The following GRIA3 variants were observed in gnomAD, a reference collection of about 807,000 sequenced individuals.
GRIA3 encodes glutamate receptor 3.
GRIA3 carries 3 observed loss-of-function variants against 63.0 expected under a neutral mutation model. The ratio of observed to expected loss-of-function variants is 0.05; its 90% CI spans 0.02 to 0.12. GRIA3 has a LOEUF of 0.12. Ranked by LOEUF, GRIA3 falls within the 10% of genes least tolerant of loss-of-function variation. The pLI is 1.00. For missense variants in GRIA3, 347 were observed against 700.9 expected (o/e 0.50, Z 5.70); for synonymous variants, 274 against 257.9 (o/e 1.06, Z -0.60).
chrX:123,384,959 T>C (rs528198068), intron 5 of GRIA3, among the ~76,000 whole-genome samples: 2 of 112,583 alleles, frequency 1.8e-5, no homozygotes, highest in South Asian at 7.3e-4. Context: ...GTCTGTTTAC[T>C]CTGTTGATAG....
intron 11 of GRIA3, among the ~76,000 whole-genome samples, chrX:123,423,749 G>C (rs2045575560): frequency 1.8e-5 from 2 of 112,029 alleles, no homozygotes; most frequent in African/African-American, 6.5e-5. Flanking sequence ...TTCAGTCCCA[G>C]CTCTTCATCT....
At chrX:123,480,204 T>C (rs1487705259) in intron 14 of GRIA3, 27 bp downstream of exon 14, 2 of 910,389 alleles carry the variant, frequency 2.2e-6, no homozygotes, top group Middle Eastern at 2.7e-4. Flanking sequence ...CTTTTTGTAC[T>C]GATTAGCAAT....
At position 123,482,788 on chromosome X, in the gene GRIA3, A is replaced by G. The variant is rs781019757; in HGVS notation, c.2440-11A>G. 1 of 1,208,857 alleles carries G rather than the reference A, an allele frequency of 8.3e-7. No homozygotes were observed. The highest frequency in any genetic ancestry group is 2.2e-5 in the Admixed American group (1 of 45,786). On this transcript the variant is annotated splice_polypyrimidine_tract_variant and intron_variant, in intron 14 of 15. Coordinates refer to ENST00000620443, the MANE Select transcript of GRIA3 (RefSeq NM_007325.5). ...TCCCCAAGATCTAATCACGTTGTTC[A>G]TTTCTCTTAGGACAAGACCAGCGCT...
chrX:123,345,127 C>A (rs1366040127), intron 4 of GRIA3, among the ~76,000 whole-genome samples: 1 of 111,288 alleles, frequency 9.0e-6, no homozygotes, highest in Non-Finnish European at 1.9e-5. Flanking sequence ...GCTATCTCTA[C>A]CTCCAAGGCC....
At chrX:123,446,811 T>A (rs1288182227) in intron 12 of GRIA3, among the ~76,000 whole-genome samples, 1 of 111,491 alleles carries the variant, frequency 9.0e-6, no homozygotes, top group East Asian at 2.8e-4. Flanking sequence ...TGCCATTGAT[T>A]GATCAGAGCT....
intron 5 of GRIA3, among the ~76,000 whole-genome samples, chrX:123,394,298 T>C (rs2045401680): frequency 9.3e-6 from 1 of 107,740 alleles, no homozygotes; most frequent in Non-Finnish European, 1.9e-5. Flanking sequence ...GGGGGTGGTG[T>C]GGAGGTTGCA....
chrX:123,281,782 T>C (rs780662007), intron 3 of GRIA3, among the ~76,000 whole-genome samples: 8 of 111,958 alleles, frequency 7.1e-5, no homozygotes, highest in Non-Finnish European at 1.1e-4. Flanking sequence ...TTTAATTTTC[T>C]TACTGAAAAT....
chrX:123,276,904 T>G (rs1222722007), intron 3 of GRIA3, among the ~76,000 whole-genome samples: 1 of 111,826 alleles, frequency 8.9e-6, no homozygotes, highest in East Asian at 2.8e-4. Flanking sequence ...TATGATTAAA[T>G]AAAATTTAAA....
chrX:123,440,631 T>C (rs1416135029), intron 12 of GRIA3, among the ~76,000 whole-genome samples: 1 of 112,727 alleles, frequency 8.9e-6, no homozygotes, highest in Non-Finnish European at 1.9e-5. Context: ...TTTGCCCACT[T>C]TTTAATAGGG....
chrX:123,259,513 G>GCA (rs769936326), intron 3 of GRIA3, among the ~76,000 whole-genome samples: 14 of 105,620 alleles, frequency 1.3e-4, no homozygotes, highest in African/African-American at 2.1e-4. Context: ...TCATGCGCGC[G>GCA]CACACACACA....
chrX:123,349,584 G>A (rs184908220), intron 4 of GRIA3, among the ~76,000 whole-genome samples: 12 of 112,398 alleles, frequency 1.1e-4, no homozygotes, highest in Admixed American at 1.9e-4. Context: ...TTATACTTCC[G>A]TTTTCCTTCT....
intron 11 of GRIA3, among the ~76,000 whole-genome samples, chrX:123,422,466 G>A (rs982025368): frequency 3.6e-5 from 4 of 111,838 alleles, no homozygotes; most frequent in African/African-American, 6.5e-5. Flanking sequence ...AGGAGGAGTC[G>A]GTGGAAGGTA....
At chrX:123,330,942 G>T (rs1247980514) in intron 4 of GRIA3, among the ~76,000 whole-genome samples, 2 of 111,696 alleles carry the variant, frequency 1.8e-5, no homozygotes, top group East Asian at 2.8e-4. Context: ...CCTTATAGAA[G>T]ACTTATTTAA....
chrX:123,184,733 T>A, intron 1 of GRIA3, 89 bp downstream of exon 1: 1 of 481,592 alleles, frequency 2.1e-6, no homozygotes, highest in Non-Finnish European at 3.5e-6. Flanking sequence ...TGGGTCCCTG[T>A]CCTGCGTGGC....
chrX:123,345,439 AACACACACACACAC>A (rs59142587), intron 4 of GRIA3, among the ~76,000 whole-genome samples: 51 of 65,869 alleles, frequency 7.7e-4, no homozygotes, highest in South Asian at 3.3e-3. Context: ...CCCCCTTCAC[AACACACACACACAC>A]ACACACACAC....
chrX:123,417,530 C>T lies in GRIA3; in HGVS notation c.1629C>T (p.Gly543=), dbSNP rs780335659. 3.3e-6 allele frequency: 4 copies of T among 1,210,017 alleles called. No individual in the cohort carries two copies. Among genetic ancestry groups the T allele is most frequent in the South Asian group, 1.8e-5 (1 of 56,903 alleles). The change falls in exon 11 of 16, where the codon GGC becomes GGT. Residue 543 remains glycine (G), a synonymous_variant. Coordinates refer to ENST00000620443, the MANE Select transcript of GRIA3 (RefSeq NM_007325.5). ...AGAAGCCTCAGAAATCAAAACCAGG[C>T]GTATTCTCATTTCTGGATCCCCTGG... is the stretch of plus-strand genomic sequence containing the variant. The part of the protein sequence containing the change: ...MIKKPQKSKP[G]VFSFLDPLAY...
chrX:123,305,998 T>A (rs2044752746), intron 3 of GRIA3, among the ~76,000 whole-genome samples: 1 of 111,681 alleles, frequency 9.0e-6, no homozygotes, highest in Non-Finnish European at 1.9e-5. Context: ...TAGGAGTCAT[T>A]GACGTTAATG....
chrX:123,281,413 G>A (rs1286841214), intron 3 of GRIA3, among the ~76,000 whole-genome samples: 1 of 112,152 alleles, frequency 8.9e-6, no homozygotes, highest in Non-Finnish European at 1.9e-5. Flanking sequence ...AGTGGCCAAA[G>A]AATTCTAGTA....
At chrX:123,263,323 G>A (rs2044470552) in intron 3 of GRIA3, among the ~76,000 whole-genome samples, 1 of 112,031 alleles carries the variant, frequency 8.9e-6, no homozygotes, top group Admixed American at 9.4e-5. Context: ...GAAAGAGGGG[G>A]CACACATAGA....
Sources: gnomAD v4.1 joint callset for allele counts (sites outside exome capture counted in the v4.1 genomes callset) on GRCh38, gnomAD v4.1.1 for gene constraint, MANE v1.5 for transcripts, NCBI Gene and HGNC (gene_info 2026-07-23, HGNC 2026-07-21) for gene names.